TMEM45B: variants seen among roughly 807,000 people sequenced by gnomAD.
TMEM45B encodes the protein transmembrane protein 45B.
A neutral mutation model predicts 27.3 loss-of-function variants in TMEM45B; 29 were observed. The ratio of observed to expected loss-of-function variants is 1.06; its 90% confidence interval spans 0.79 to 1.45. The LOEUF (loss-of-function observed/expected upper bound fraction) is 1.45, where lower values mean the gene tolerates loss of function less well. Ranked by LOEUF, TMEM45B falls within the 40% of genes most tolerant of loss-of-function variation. TMEM45B has a pLI of 0.00. For synonymous variants in TMEM45B, 143 were observed against 134.7 expected (o/e 1.06, Z -0.43); for missense variants, 348 against 343.9 (o/e 1.01, Z -0.09).
In TMEM45B at chr11:129,833,257, AT is replaced by A. The variant is rs1356327888; in HGVS notation, c.-9+17360del. Reference sequence around the variant, plus strand: ...TCTGTCTCAAAAAATAAACAGAAAAATAAAAAAAAAAAAAGGAAATGTAAGT... The same window carrying A: ...TCTGTCTCAAAAAATAAACAGAAAAAAAAAAAAAAAAAAGGAAATGTAAGT... On this transcript the variant is annotated intron_variant, in intron 1 of 5. Transcript: ENST00000281441. 4.3e-5 allele frequency among the ~76,000 whole-genome samples: 6 copies of A among 140,606 alleles called. No individual in the cohort carries two copies. In the East Asian group the frequency reaches 9.0e-4, roughly 21 times the overall value. The allele number at this position is 140,606 out of a possible 152,430, so 92.2% of individuals were successfully genotyped here.
At chr11:129,832,557 C>A (rs144460209) in intron 1 of TMEM45B, among the ~76,000 whole-genome samples, 7 of 150,996 alleles carry the variant, frequency 4.6e-5, no homozygotes, top group Non-Finnish European at 7.4e-5. Flanking sequence ...TGGCGGGAAA[C>A]GGGAATGACC....
chr11:129,848,622 C>G (rs560926076), intron 1 of TMEM45B, among the ~76,000 whole-genome samples: 2 of 152,138 alleles, frequency 1.3e-5, no homozygotes, highest in African/African-American at 2.4e-5. Flanking sequence ...GCTAGAGGGA[C>G]GGGCCTGTGT....
chr11:129,852,298 C>T (rs912466743), intron 1 of TMEM45B, among the ~76,000 whole-genome samples, 177 bp from the exon 2 acceptor site: 3 of 152,158 alleles, frequency 2.0e-5, no homozygotes, highest in African/African-American at 7.2e-5. Context: ...TTATGCAACT[C>T]ACTTTACAGA....
Position 129,855,760 on chromosome 11 carries a change from C to A in TMEM45B, c.438C>A (p.Ile146=), listed in dbSNP as rs780902733. 1 of 1,614,054 alleles carries A rather than the reference C, an allele frequency of 6.2e-7. No homozygotes were observed. The highest frequency in any genetic ancestry group is 2.2e-5 in the East Asian group (1 of 44,888). Residue 146 remains isoleucine (I), a synonymous_variant, in exon 4 of 6, where the codon ATC becomes ATA. Transcript: ENST00000281441. ...VHNRPPLDQH[I]HSLLLYALFG... ...ACCGGCCTCCGCTGGACCAGCACATCCACTCACTCCTGCTGTATGCTCTGT... is the reference window on the plus strand; with the variant it reads ...ACCGGCCTCCGCTGGACCAGCACATACACTCACTCCTGCTGTATGCTCTGT...
intron 1 of TMEM45B, among the ~76,000 whole-genome samples, chr11:129,830,044 T>A (rs1208474109): frequency 6.6e-6 from 1 of 152,176 alleles, no homozygotes; most frequent in Non-Finnish European, 1.5e-5. Context: ...TCAAAATAGA[T>A]CAGAGGTCAG....
In TMEM45B at chr11:129,858,745, C is replaced by T; in HGVS notation, c.*60C>T. ...CAGCTGGAATGAATGGAGTTCATCC[C>T]CTCCACCTGAATGCCTGCTGTGGTC... On this transcript the variant is annotated 3_prime_UTR_variant, in exon 6 of 6. Coordinates refer to ENST00000281441, the MANE Select transcript of TMEM45B (RefSeq NM_138788.5). The T allele has an allele frequency of 7.9e-7, 1 of 1,270,692 alleles. No homozygotes were observed. Among genetic ancestry groups the T allele is most frequent in the Non-Finnish European group, 1.1e-6 (1 of 901,266 alleles). The allele number at this position is 1,270,692 out of a possible 1,614,324, so 78.7% of individuals were successfully genotyped here.
chr11:129,826,726 G>A (rs866856847), intron 1 of TMEM45B, among the ~76,000 whole-genome samples: 1 of 76,298 alleles, frequency 1.3e-5, no homozygotes, highest in African/African-American at 4.6e-5. Context: ...TTTTTTTTTT[G>A]AGACGGAGTC....
intron 1 of TMEM45B, among the ~76,000 whole-genome samples, chr11:129,822,850 T>C (rs1392576403): frequency 4.6e-5 from 7 of 150,954 alleles, no homozygotes; most frequent in Non-Finnish European, 1.0e-4. Flanking sequence ...TCTTTTTTTT[T>C]TTTTTTTTGA....
intron 2 of TMEM45B, among the ~76,000 whole-genome samples, chr11:129,853,115 T>A (rs1947871929): frequency 6.6e-6 from 1 of 152,148 alleles, no homozygotes; most frequent in African/African-American, 2.4e-5. Context: ...CAAGCGCTTA[T>A]AGAGAGTTTA....
At chr11:129,825,012 A>G (rs1213655523) in intron 1 of TMEM45B, among the ~76,000 whole-genome samples, 1 of 152,198 alleles carries the variant, frequency 6.6e-6, no homozygotes, top group Non-Finnish European at 1.5e-5. Context: ...GGTATACCCA[A>G]TGCAAGGGGA....
intron 1 of TMEM45B, among the ~76,000 whole-genome samples, chr11:129,834,813 C>CAA (rs56304121): frequency 2.3e-5 from 3 of 132,156 alleles, no homozygotes; most frequent in African/African-American, 2.8e-5. Context: ...TCCATCTCCA[C>CAA]AAAAAAAAAA....
chr11:129,825,663 A>C (rs1389242298), intron 1 of TMEM45B, among the ~76,000 whole-genome samples: 2 of 152,180 alleles, frequency 1.3e-5, no homozygotes, highest in African/African-American at 4.8e-5. Context: ...TGTTGAGTAA[A>C]GTGGAAGGCC....
chr11:129,815,860 CG>C lies in TMEM45B; in HGVS notation c.-45del. On this transcript the variant is annotated 5_prime_UTR_variant, in exon 1 of 6. Coordinates refer to ENST00000281441, the MANE Select transcript of TMEM45B (RefSeq NM_138788.5). ...CTTCTGGGCGGACGCACTTGGCGCG[CG>C]GCGCGGGCTGCAGACGGCTGCGAGG... 7.7e-7 allele frequency: 1 copy of C among 1,306,500 alleles called. No individual in the cohort carries two copies. The highest frequency in any genetic ancestry group is 9.7e-7 in the Non-Finnish European group (1 of 1,035,702). 80.9% of individuals were successfully genotyped at this position (1,306,500 alleles called of 1,614,324 possible). A position where few individuals can be genotyped will look rare whatever the true frequency, so the allele number is the denominator to read the frequency against.
Position 129,854,788 on chromosome 11 carries a change from G to C in TMEM45B, c.357G>C (p.Leu119=), listed in dbSNP as rs754004108. ...VSHVPLGVDR[L]VMAVAVFMEG... is the part of the protein sequence containing the mutation. ...ACGTTCCCTTGGGGGTGGACAGACT[G>C]GTTATGGCTGTGGCAGTATTCATGG... is the stretch of plus-strand genomic sequence containing the variant. The change falls in exon 3 of 6, where the codon CTG becomes CTC. Residue 119 remains leucine (L), a synonymous_variant. Transcript: ENST00000281441. 14 of 1,614,064 alleles carry C rather than the reference G, an allele frequency of 8.7e-6. No homozygotes were observed. The South Asian group carries it at 1.4e-4, about 16-fold the overall frequency.
At chr11:129,843,258 T>G (rs1947717958) in intron 1 of TMEM45B, among the ~76,000 whole-genome samples, 1 of 152,240 alleles carries the variant, frequency 6.6e-6, no homozygotes, top group Non-Finnish European at 1.5e-5. Context: ...TTTAGACTTT[T>G]TGATTGCCCT....
At chr11:129,826,548 C>G (rs1268267843) in intron 1 of TMEM45B, among the ~76,000 whole-genome samples, 1 of 17,832 alleles carries the variant, frequency 5.6e-5, no homozygotes, top group Admixed American at 5.3e-4. Context: ...GACTCTGTCA[C>G]AAAAAAAAAA....
At chr11:129,826,230 G>T (rs564654739) in intron 1 of TMEM45B, among the ~76,000 whole-genome samples, 8 of 152,198 alleles carry the variant, frequency 5.3e-5, no homozygotes, top group Non-Finnish European at 1.0e-4. Context: ...GAGCCATGGA[G>T]AGTCCCTCTT....
intron 1 of TMEM45B, among the ~76,000 whole-genome samples, chr11:129,825,531 C>T (rs557926589): frequency 1.3e-4 from 20 of 152,166 alleles, no homozygotes; most frequent in Non-Finnish European, 2.6e-4. Flanking sequence ...AGAGACAAGG[C>T]CAGAGCTGGA....
intron 1 of TMEM45B, among the ~76,000 whole-genome samples, chr11:129,842,974 A>C (rs1455423585): frequency 3.9e-5 from 6 of 152,366 alleles, no homozygotes; most frequent in African/African-American, 1.4e-4. Flanking sequence ...CCTATTAAAA[A>C]GTAGGCAACA....
Sources: gnomAD v4.1 joint callset for allele counts (sites outside exome capture counted in the v4.1 genomes callset) on GRCh38, gnomAD v4.1.1 for gene constraint, MANE v1.5 for transcripts, NCBI Gene and HGNC (gene_info 2026-07-23, HGNC 2026-07-21) for gene names.